The following ARB2A variants were observed in gnomAD, a reference collection of about 807,000 sequenced individuals.
ARB2A encodes ARB2 cotranscriptional regulator A, also known as cotranscriptional regulator ARB2A.
chr5:93,954,376 G>A, the ARB2A span, among the ~76,000 whole-genome samples: 14 of 152,000 alleles, frequency 9.2e-5, no homozygotes, highest in African/African-American at 2.4e-4. Context: ...CCAAGGCAGC[G>A]AGTTCCTCCT....
the ARB2A span, among the ~76,000 whole-genome samples, chr5:93,848,400 A>G: frequency 2.0e-5 from 3 of 151,960 alleles, no homozygotes; most frequent in African/African-American, 7.2e-5. Context: ...AAAAAAAAAA[A>G]AAGAAAAAGA....
the ARB2A span, among the ~76,000 whole-genome samples, chr5:94,059,012 T>C: frequency 2.6e-5 from 4 of 152,070 alleles, no homozygotes; most frequent in Admixed American, 1.3e-4. Flanking sequence ...GCCATGATTG[T>C]AAGCTTCCTC....
chr5:93,665,797 T>C, the ARB2A span, among the ~76,000 whole-genome samples: 1 of 152,188 alleles, frequency 6.6e-6, no homozygotes, highest in African/African-American at 2.4e-5. Flanking sequence ...TACTGAGCCC[T>C]GACCTACCGA....
chr5:94,007,750 G>A, the ARB2A span, among the ~76,000 whole-genome samples: 4 of 148,708 alleles, frequency 2.7e-5, no homozygotes, highest in Non-Finnish European at 5.9e-5. Flanking sequence ...ACTCCAGCCT[G>A]AGTGACAAAG....
chr5:94,111,220 T>C, the ARB2A span, among the ~76,000 whole-genome samples: 1 of 152,138 alleles, frequency 6.6e-6, no homozygotes, highest in Non-Finnish European at 1.5e-5. Flanking sequence ...GAGGGCCCAT[T>C]ACTCTGTCTC....
chr5:94,089,925 T>C, the ARB2A span, among the ~76,000 whole-genome samples: 1 of 152,322 alleles, frequency 6.6e-6, no homozygotes, highest in Non-Finnish European at 1.5e-5. Context: ...TACACAATCA[T>C]TATTTTGGAG....
the ARB2A span, among the ~76,000 whole-genome samples, chr5:93,691,328 C>T: frequency 6.6e-6 from 1 of 151,754 alleles, no homozygotes. Context: ...TAGAGAAGAA[C>T]ATAAATGGCC....
chr5:93,914,022 C>T, the ARB2A span, among the ~76,000 whole-genome samples: 6 of 151,928 alleles, frequency 3.9e-5, no homozygotes, highest in Admixed American at 6.6e-5. Flanking sequence ...GAACATCCTT[C>T]CATGGAAGAT....
the ARB2A span, among the ~76,000 whole-genome samples, chr5:93,963,820 T>G: frequency 2.0e-5 from 3 of 152,142 alleles, no homozygotes; most frequent in Admixed American, 1.3e-4. Flanking sequence ...ATTTTAAAGC[T>G]TAATATTTTG....
At chr5:93,624,946 G>A in the ARB2A span, among the ~76,000 whole-genome samples, 13 of 152,090 alleles carry the variant, frequency 8.5e-5, no homozygotes, top group Middle Eastern at 3.2e-3. Flanking sequence ...TACAACTACC[G>A]TGTAAATCGA....
chr5:93,906,822 G>C, the ARB2A span, among the ~76,000 whole-genome samples: 1 of 151,406 alleles, frequency 6.6e-6, no homozygotes. Flanking sequence ...AGGAATCGGA[G>C]CAAAATTTTT....
At chr5:93,914,997 A>T in the ARB2A span, among the ~76,000 whole-genome samples, 3 of 151,998 alleles carry the variant, frequency 2.0e-5, no homozygotes, top group Non-Finnish European at 4.4e-5. Context: ...GATCCTTATG[A>T]AATTTGTTTT....
the ARB2A span, among the ~76,000 whole-genome samples, chr5:93,848,946 G>A: frequency 2.6e-5 from 4 of 152,234 alleles, no homozygotes; most frequent in South Asian, 8.3e-4. Flanking sequence ...CAGAAAGGTC[G>A]CTTTTATGAC....
At chr5:93,871,542 G>A in the ARB2A span, among the ~76,000 whole-genome samples, 1 of 152,100 alleles carries the variant, frequency 6.6e-6, no homozygotes, top group Non-Finnish European at 1.5e-5. Flanking sequence ...ATCTGTTTGA[G>A]GCCGAGTTTT....
chr5:93,637,745 T>C, the ARB2A span, among the ~76,000 whole-genome samples: 4 of 152,224 alleles, frequency 2.6e-5, no homozygotes, highest in African/African-American at 7.2e-5. Flanking sequence ...TTTAGAATAA[T>C]TTTGTCTATA....
chr5:93,762,507 A>T, the ARB2A span, among the ~76,000 whole-genome samples: 8 of 152,342 alleles, frequency 5.3e-5, no homozygotes, highest in South Asian at 1.7e-3. Flanking sequence ...GAGACAAAAG[A>T]GTAAAAAGAA....
the ARB2A span, among the ~76,000 whole-genome samples, chr5:93,832,370 C>G: frequency 6.6e-6 from 1 of 152,132 alleles, no homozygotes; most frequent in Non-Finnish European, 1.5e-5. Flanking sequence ...AGAGTCACTA[C>G]TCTTAGGGAA....
chr5:93,830,285 T>G, the ARB2A span, among the ~76,000 whole-genome samples: 4 of 75,550 alleles, frequency 5.3e-5, no homozygotes, highest in African/African-American at 1.5e-4. Context: ...GTATATATAT[T>G]TATATGTATA....
At chr5:93,789,843 C>T in the ARB2A span, among the ~76,000 whole-genome samples, 1 of 152,148 alleles carries the variant, frequency 6.6e-6, no homozygotes, top group Non-Finnish European at 1.5e-5. Context: ...ACACTAAAAC[C>T]TTGATTCTGT....
Sources: gnomAD v4.1 joint callset for allele counts (sites outside exome capture counted in the v4.1 genomes callset) on GRCh38, gnomAD v4.1.1 for gene constraint, MANE v1.5 for transcripts, NCBI Gene and HGNC (gene_info 2026-07-23, HGNC 2026-07-21) for gene names.